The following ERC1 variants were observed in gnomAD, a reference collection of about 807,000 sequenced individuals.
ERC1 encodes the protein RAB6 interacting protein 2.
Under a neutral mutation model 132.0 loss-of-function variants are expected in ERC1, and 56 were observed. The observed-to-expected ratio is 0.42, with a 90% CI of 0.34 to 0.53. The LOEUF (loss-of-function observed/expected upper bound fraction) is 0.53. Ranked by LOEUF, ERC1 falls within the 20% of genes least tolerant of loss-of-function variation. The pLI is 0.03. For synonymous variants in ERC1, 478 were observed against 476.1 expected, an observed-to-expected ratio of 1.00 and a Z score of -0.05; for missense variants, 1,202 against 1,349.9, an observed-to-expected ratio of 0.89 and a Z score of 1.72.
chr12:1,123,104 T>C (rs1360970487), intron 7 of ERC1, among the ~76,000 whole-genome samples: 1 of 152,174 alleles, frequency 6.6e-6, no homozygotes, highest in Non-Finnish European at 1.5e-5. Context: ...TAGATACTGA[T>C]AAGCTTAAGA....
intron 15 of ERC1, among the ~76,000 whole-genome samples, chr12:1,316,784 G>A (rs911891486): frequency 1.3e-5 from 2 of 152,296 alleles, no homozygotes; most frequent in South Asian, 2.1e-4. Context: ...ACATGCACAC[G>A]TATGTTTATT....
At chr12:1,418,997 A>T (rs1286549778) in intron 17 of ERC1, among the ~76,000 whole-genome samples, 1 of 152,098 alleles carries the variant, frequency 6.6e-6, no homozygotes, top group Non-Finnish European at 1.5e-5. Flanking sequence ...TACAGGCCTG[A>T]GCCACAGAGA....
chr12:1,225,352 A>C (rs918122977), intron 12 of ERC1, among the ~76,000 whole-genome samples: 2 of 151,898 alleles, frequency 1.3e-5, no homozygotes, highest in Admixed American at 6.6e-5. Context: ...TGGGAGGCTG[A>C]GGCAGGAGGA....
chr12:1,328,462 C>A (rs112857328), intron 15 of ERC1, among the ~76,000 whole-genome samples: 5 of 152,184 alleles, frequency 3.3e-5, no homozygotes, highest in African/African-American at 1.2e-4. Flanking sequence ...TTTGAAAACA[C>A]GTGTATGGTC....
intron 7 of ERC1, among the ~76,000 whole-genome samples, chr12:1,134,200 C>A (rs894465870): frequency 1.1e-4 from 16 of 152,198 alleles, no homozygotes; most frequent in African/African-American, 3.6e-4. Flanking sequence ...TGCACCCCCT[C>A]CCCCTTGATT....
At position 1,418,615 on chromosome 12, in the gene ERC1, CTT is replaced by C. The variant is rs1491252385; in HGVS notation, c.3024+10370_3024+10371del. ...TCTTTCTTTCTTTCTTTCTTTCTTT[CTT>C]TCTTTCTTTCTTTCTTTCTTTCTTT... On this transcript the variant is annotated intron_variant, in intron 17 of 18. Transcript: ENST00000360905. 3.2e-3 allele frequency among the ~76,000 whole-genome samples: 379 copies of C among 116,694 alleles called. 5 individuals carry two copies. The highest frequency in any genetic ancestry group is 0.017 in the African/African-American group (339 of 19,990). 76.6% of individuals were successfully genotyped at this position (116,694 alleles called of 152,430 possible).
rs1264739997 is a variant in ERC1, at chr12:1,488,144, A to AG, written c.3214-1949_3214-1948insG. On this transcript the variant is annotated intron_variant, in intron 18 of 18. Coordinates refer to ENST00000360905, the MANE Select transcript of ERC1 (RefSeq NM_178040.4). ...CAGAGCGAGACTCACGTCTCAGAAA[A>AG]AAAAAAAAAAAAAAAAAAGATAGAT... is the stretch of plus-strand genomic sequence containing the variant. Among the ~76,000 whole-genome samples the AG allele has an allele frequency of 9.7e-3, 1,442 of 148,786 alleles. 21 individuals carry two copies. The highest frequency in any genetic ancestry group is 0.033 in the African/African-American group (1,293 of 39,700).
At chr12:1,210,718 G>A (rs1302610237) in intron 12 of ERC1, among the ~76,000 whole-genome samples, 1 of 152,282 alleles carries the variant, frequency 6.6e-6, no homozygotes, top group African/African-American at 2.4e-5. Context: ...AGCTAGGGCT[G>A]GGCATGGTGG....
rs184519087 is a variant in ERC1 at position 1,483,384 on chromosome 12, C to G, written c.3214-6709C>G. On this transcript the variant is annotated intron_variant, in intron 18 of 18. Transcript: ENST00000360905. Reference sequence around the variant, plus strand: ...TAATGTAATGTTTTTATATACTTTACATAGTGTAGCTTTACATAATGTCAC... The same window carrying G: ...TAATGTAATGTTTTTATATACTTTAGATAGTGTAGCTTTACATAATGTCAC... Among the ~76,000 whole-genome samples, 373 of 152,280 alleles carry G rather than the reference C, an allele frequency of 2.4e-3. 3 individuals carry two copies. The highest frequency in any genetic ancestry group is 6.5e-4 in the Non-Finnish European group (44 of 68,024).
chr12:1,302,446 C>T (rs984750732), intron 15 of ERC1, among the ~76,000 whole-genome samples: 1 of 151,978 alleles, frequency 6.6e-6, no homozygotes, highest in Non-Finnish European at 1.5e-5. Flanking sequence ...GTCTATATCC[C>T]CCTATTCAAT....
chr12:1,288,110 A>G (rs2079160552), intron 14 of ERC1, among the ~76,000 whole-genome samples: 1 of 152,198 alleles, frequency 6.6e-6, no homozygotes, highest in Non-Finnish European at 1.5e-5. Context: ...TCCATTACTG[A>G]TTTTATGTTA....
At chr12:1,098,811 A>G (rs999615249) in intron 3 of ERC1, among the ~76,000 whole-genome samples, 1 of 152,222 alleles carries the variant, frequency 6.6e-6, no homozygotes. Context: ...TAAACCATGT[A>G]GTAGATTAAA....
chr12:1,307,363 G>T (rs1352298368), intron 15 of ERC1, among the ~76,000 whole-genome samples: 1 of 152,186 alleles, frequency 6.6e-6, no homozygotes, highest in African/African-American at 2.4e-5. Context: ...CACAGGCCCT[G>T]TAAACATGTT....
In ERC1 at chr12:1,021,437, G is replaced by A. The variant is rs543028137; in HGVS notation, c.-156-6311G>A. On this transcript the variant is annotated intron_variant, in intron 1 of 18. Coordinates refer to ENST00000360905, the MANE Select transcript of ERC1 (RefSeq NM_178040.4). ...AAAGTGGTGGATTCCGGCCGGGCGC[G>A]GTGGCTCATGCCTGTAATCCCAGCA... 3.3e-5 allele frequency among the ~76,000 whole-genome samples: 5 copies of A among 151,652 alleles called. No individual in the cohort carries two copies. In the East Asian group the frequency reaches 5.9e-4, roughly 18 times the overall value.
chr12:1,472,565 A>G (rs1345129763), intron 18 of ERC1, among the ~76,000 whole-genome samples: 3 of 151,698 alleles, frequency 2.0e-5, no homozygotes, highest in Non-Finnish European at 4.4e-5. Context: ...TGAGAGAATC[A>G]CTTCAGCCCA....
At chr12:1,423,357 G>A (rs1350602950) in intron 17 of ERC1, among the ~76,000 whole-genome samples, 1 of 152,198 alleles carries the variant, frequency 6.6e-6, no homozygotes, top group Non-Finnish European at 1.5e-5. Flanking sequence ...ATTGTTGTCT[G>A]CTCAAATAAA....
At chr12:1,166,492 T>G (rs1453488374) in intron 8 of ERC1, among the ~76,000 whole-genome samples, 1 of 152,232 alleles carries the variant, frequency 6.6e-6, no homozygotes, top group Non-Finnish European at 1.5e-5. Flanking sequence ...AGGCTTTCAG[T>G]CTTCACCTTG....
rs769964619 is a variant in ERC1, at chr12:1,263,156, T to C, written c.2610T>C (p.Ala870=). ...AAGAGGAATCAGCCAGGACCAATGC[T>C]GAAAAACAGGTCTGCTATTTTATAC... is the stretch of plus-strand genomic sequence containing the variant. ...LAQEESARTN[A]EKQVEELLMA... The change falls in exon 14 of 19, where the codon GCT becomes GCC. Residue 870 remains alanine, a synonymous_variant. Coordinates refer to ENST00000360905, the MANE Select transcript of ERC1 (RefSeq NM_178040.4). 4 of 1,613,912 alleles carry C rather than the reference T, an allele frequency of 2.5e-6. No individual in the cohort carries two copies. Among genetic ancestry groups the C allele is most frequent in the Non-Finnish European group, 3.4e-6 (4 of 1,179,930 alleles).
intron 3 of ERC1, among the ~76,000 whole-genome samples, chr12:1,104,126 T>TA (rs368864717): frequency 0.038 from 4,795 of 125,130 alleles, 208 homozygotes; most frequent in African/African-American, 0.12. Flanking sequence ...AAAATTTGGG[T>TA]AAAAAAAAAA....
Sources: allele counts gnomAD v4.1 joint callset (sites outside exome capture counted in the v4.1 genomes callset), GRCh38; gene constraint gnomAD v4.1.1; transcripts MANE v1.5; gene names NCBI Gene and HGNC (gene_info 2026-07-23, HGNC 2026-07-21).